The following SOX6 variants were observed in gnomAD, a reference collection of about 807,000 sequenced individuals.
SOX6 encodes the protein transcription factor SOX-6.
SOX6 carries 11 observed loss-of-function variants against 97.8 expected under a neutral mutation model. The observed-to-expected ratio is 0.11, with a 90% confidence interval of 0.07 to 0.19. The LOEUF is 0.19. Ranked by LOEUF, SOX6 falls within the 10% of genes least tolerant of loss-of-function variation. SOX6 has a pLI of 1.00. For synonymous variants in SOX6, 360 were observed against 371.4 expected, an observed-to-expected ratio of 0.97 and a Z score of 0.35; for missense variants, 810 against 1,039.5, an observed-to-expected ratio of 0.78 and a Z score of 3.04.
chr11:16,452,925 T>C lies in SOX6; in HGVS notation c.-5+23390A>G, dbSNP rs557517695. On this transcript the variant is annotated intron_variant, in intron 1 of 15. Coordinates refer to the SOX6 transcript ENST00000396356. ...CCTCTGGCTCACTGCTGACAATCCATAGATAACGAATGAGGGAGATGAGTT... is the reference window on the plus strand; with the variant it reads ...CCTCTGGCTCACTGCTGACAATCCACAGATAACGAATGAGGGAGATGAGTT... Among the ~76,000 whole-genome samples the C allele has an allele frequency of 7.4e-4, 112 of 152,246 alleles. 1 individual carries two copies. Among genetic ancestry groups the C allele is most frequent in the Non-Finnish European group, 1.1e-3 (75 of 68,002 alleles).
At chr11:16,159,307 G>A (rs929916531) in intron 6 of SOX6, among the ~76,000 whole-genome samples, 8 of 152,130 alleles carry the variant, frequency 5.3e-5, no homozygotes, top group African/African-American at 1.9e-4. Flanking sequence ...TTCATTTGAG[G>A]ATTCAAGACT....
chr11:16,647,738 T>A (rs1849034808), intron 3 of SOX6, among the ~76,000 whole-genome samples: 1 of 152,190 alleles, frequency 6.6e-6, no homozygotes, highest in Non-Finnish European at 1.5e-5. Flanking sequence ...CACTGGGGAC[T>A]CTTAAAATTC....
At chr11:16,412,516 C>T (rs926920575) in intron 1 of SOX6, among the ~76,000 whole-genome samples, 3 of 152,068 alleles carry the variant, frequency 2.0e-5, no homozygotes, top group Non-Finnish European at 2.9e-5. Flanking sequence ...CAGGCACCTG[C>T]AGTCCCAGCT....
At chr11:16,537,824 T>A (rs949781438) in intron 4 of SOX6, among the ~76,000 whole-genome samples, 1 of 152,188 alleles carries the variant, frequency 6.6e-6, no homozygotes, top group African/African-American at 2.4e-5. Context: ...TATGGGACTG[T>A]GTGAAAGCAC....
chr11:15,979,506 A>T (rs1021921461), intron 15 of SOX6, among the ~76,000 whole-genome samples: 13 of 152,104 alleles, frequency 8.5e-5, no homozygotes, highest in African/African-American at 3.1e-4. Context: ...ATGCCTTTCC[A>T]TCTCACTCAG....
chr11:16,417,090 G>A (rs181234184), intron 1 of SOX6, among the ~76,000 whole-genome samples: 1 of 152,248 alleles, frequency 6.6e-6, no homozygotes, highest in Admixed American at 6.5e-5. Context: ...TGCTTTTGTT[G>A]AGGAAGAACT....
chr11:16,491,241 A>C (rs1860506496), intron 4 of SOX6, among the ~76,000 whole-genome samples: 1 of 152,196 alleles, frequency 6.6e-6, no homozygotes, highest in Non-Finnish European at 1.5e-5. Context: ...TCTACATATA[A>C]TCCCAGGCAA....
At chr11:16,612,678 C>T (rs931910456) in intron 3 of SOX6, among the ~76,000 whole-genome samples, 2 of 152,014 alleles carry the variant, frequency 1.3e-5, no homozygotes, top group African/African-American at 4.8e-5. Context: ...CAGCGTGGAG[C>T]GGCACAGACA....
intron 4 of SOX6, among the ~76,000 whole-genome samples, chr11:16,204,081 TTGTACACA>T (rs1455811870): frequency 5.3e-5 from 8 of 151,938 alleles, no homozygotes; most frequent in African/African-American, 1.9e-4. Flanking sequence ...AAACATCATA[TTGTACACA>T]AGAGATACAT....
chr11:16,674,290 G>A (rs560497108), intron 3 of SOX6, among the ~76,000 whole-genome samples: 1 of 151,664 alleles, frequency 6.6e-6, no homozygotes, highest in Admixed American at 6.6e-5. Context: ...TAGAATGAAG[G>A]ACAAAAACCA....
chr11:16,560,632 T>TACATATATGTTTATACGA (rs1847804471), intron 4 of SOX6, among the ~76,000 whole-genome samples: 1 of 138,968 alleles, frequency 7.2e-6, no homozygotes, highest in Admixed American at 7.1e-5. Context: ...TGTTTATACG[T>TACATATATGTTTATACGA]ACATATATGT....
chr11:16,635,731 T>A (rs1344138397), intron 3 of SOX6, among the ~76,000 whole-genome samples: 1 of 152,034 alleles, frequency 6.6e-6, no homozygotes, highest in Non-Finnish European at 1.5e-5. Context: ...CTGGGTGAGG[T>A]CCAGGGCCCC....
chr11:16,110,690 C>G (rs1176402276), intron 7 of SOX6, among the ~76,000 whole-genome samples: 3 of 152,064 alleles, frequency 2.0e-5, no homozygotes, highest in Non-Finnish European at 2.9e-5. Context: ...CCTTTTCTTA[C>G]AAAGAAGGAA....
chr11:16,611,022 C>T (rs577330556), intron 4 of SOX6, among the ~76,000 whole-genome samples: 1 of 152,324 alleles, frequency 6.6e-6, no homozygotes, highest in African/African-American at 2.4e-5. Flanking sequence ...GAGGGGCGAG[C>T]GGGTGGGGCT....
At chr11:16,078,362 T>C (rs897464125) in intron 9 of SOX6, among the ~76,000 whole-genome samples, 3 of 152,214 alleles carry the variant, frequency 2.0e-5, no homozygotes, top group African/African-American at 7.2e-5. Context: ...AAATTAGATT[T>C]GAAATCTAAG....
chr11:16,048,347 T>C (rs151047710), intron 11 of SOX6, among the ~76,000 whole-genome samples: 254 of 152,334 alleles, frequency 1.7e-3, no homozygotes, highest in African/African-American at 5.1e-3. Flanking sequence ...AATGAGAATA[T>C]GCTCCTGTAG....
At chr11:16,727,690 G>A (rs936777844) in intron 2 of SOX6, among the ~76,000 whole-genome samples, 10 of 151,324 alleles carry the variant, frequency 6.6e-5, no homozygotes, top group East Asian at 1.9e-4. Context: ...TGCCCACCTC[G>A]GCCTCCCAAA....
chr11:16,198,677 G>A (rs1851855900), intron 4 of SOX6, among the ~76,000 whole-genome samples: 1 of 152,144 alleles, frequency 6.6e-6, no homozygotes, highest in South Asian at 2.1e-4. Flanking sequence ...AAGGCGATGA[G>A]ATTATCACAA....
intron 4 of SOX6, among the ~76,000 whole-genome samples, chr11:16,526,748 A>C (rs1375062333): frequency 6.6e-6 from 1 of 152,126 alleles, no homozygotes; most frequent in Non-Finnish European, 1.5e-5. Context: ...TCGTATATCA[A>C]TTTTACTTAA....
Sources: allele counts gnomAD v4.1 joint callset (sites outside exome capture counted in the v4.1 genomes callset), GRCh38; gene constraint gnomAD v4.1.1; transcripts MANE v1.5; gene names NCBI Gene and HGNC (gene_info 2026-07-23, HGNC 2026-07-21).